Variants in CAMKMT observed in about 807,000 individuals in gnomAD.
The protein encoded by CAMKMT is CaM KMT.
CAMKMT carries 53 observed loss-of-function variants against 48.0 expected under a neutral mutation model. That is an observed-to-expected ratio of 1.10 (90% CI 0.89 to 1.39). CAMKMT has a LOEUF of 1.39. CAMKMT is among the 40% of genes most tolerant of loss of function. The probability of loss-of-function intolerance (pLI) is 0.00; values close to 1 mark genes in which losing one functional copy is unlikely to be tolerated. For synonymous variants in CAMKMT, 165 were observed against 152.3 expected, an observed-to-expected ratio of 1.08 and a Z score of -0.61; for missense variants, 428 against 402.7, an observed-to-expected ratio of 1.06 and a Z score of -0.54.
intron 3 of CAMKMT, among the ~76,000 whole-genome samples, chr2:44,514,130 G>A (rs1265402519): frequency 6.6e-6 from 1 of 151,356 alleles, no homozygotes; most frequent in African/African-American, 2.4e-5. Context: ...AAATCCTTCA[G>A]TGCTTAGAGA....
chr2:44,395,703 T>A (rs1326260724), intron 3 of CAMKMT, among the ~76,000 whole-genome samples: 1 of 152,158 alleles, frequency 6.6e-6, no homozygotes, highest in South Asian at 2.1e-4. Flanking sequence ...TATTAGATAA[T>A]GTGAAAGTAC....
intron 3 of CAMKMT, among the ~76,000 whole-genome samples, chr2:44,590,067 C>T (rs1004189633): frequency 1.4e-4 from 21 of 151,514 alleles, no homozygotes; most frequent in African/African-American, 3.4e-4. Flanking sequence ...TCCACATGGA[C>T]GGTCATGTTG....
At chr2:44,630,595 C>T (rs1336008434) in intron 3 of CAMKMT, among the ~76,000 whole-genome samples, 1 of 151,740 alleles carries the variant, frequency 6.6e-6, no homozygotes, top group African/African-American at 2.4e-5. Context: ...AGGACATGAA[C>T]AGACACTTCT....
At chr2:44,656,270 A>G (rs1362767575) in intron 3 of CAMKMT, among the ~76,000 whole-genome samples, 2 of 152,196 alleles carry the variant, frequency 1.3e-5, no homozygotes, top group Non-Finnish European at 2.9e-5. Flanking sequence ...GAAGAGGTGA[A>G]TGTGTGTTTT....
chr2:44,364,535 G>T (rs1192443189), intron 1 of CAMKMT, among the ~76,000 whole-genome samples: 1 of 152,148 alleles, frequency 6.6e-6, no homozygotes, highest in Admixed American at 6.5e-5. Context: ...TACATCCTCT[G>T]CACCTAGCAC....
chr2:44,364,290 T>A (rs2104329379), intron 1 of CAMKMT, among the ~76,000 whole-genome samples: 1 of 152,290 alleles, frequency 6.6e-6, no homozygotes, highest in Non-Finnish European at 1.5e-5. Flanking sequence ...TTGGTATATA[T>A]CTGCCTGCTT....
At chr2:44,667,937 C>G (rs971758533) in intron 3 of CAMKMT, among the ~76,000 whole-genome samples, 1 of 152,152 alleles carries the variant, frequency 6.6e-6, no homozygotes, top group African/African-American at 2.4e-5. Flanking sequence ...ATTTCATCCT[C>G]GACACTCAGC....
intron 7 of CAMKMT, among the ~76,000 whole-genome samples, chr2:44,738,586 C>T (rs911354355): frequency 6.6e-6 from 1 of 152,190 alleles, no homozygotes; most frequent in Non-Finnish European, 1.5e-5. Context: ...ATTTATTGAA[C>T]AGCTATTAGG....
intron 7 of CAMKMT, among the ~76,000 whole-genome samples, chr2:44,719,092 C>G (rs1396487455): frequency 1.3e-5 from 2 of 152,148 alleles, no homozygotes; most frequent in Non-Finnish European, 2.9e-5. Flanking sequence ...GCCCTTATAT[C>G]CACATCTCAT....
intron 3 of CAMKMT, among the ~76,000 whole-genome samples, chr2:44,611,849 G>C (rs1671617344): frequency 6.6e-6 from 1 of 151,916 alleles, no homozygotes; most frequent in Non-Finnish European, 1.5e-5. Context: ...AGCAAATGAG[G>C]TTGGGGGAGG....
At chr2:44,550,008 G>A (rs1002145662) in intron 3 of CAMKMT, among the ~76,000 whole-genome samples, 1 of 152,166 alleles carries the variant, frequency 6.6e-6, no homozygotes, top group African/African-American at 2.4e-5. Context: ...ATCGGGAAGG[G>A]AAATGTGGAG....
chr2:44,553,537 T>G (rs954845530), intron 3 of CAMKMT, among the ~76,000 whole-genome samples: 8 of 152,184 alleles, frequency 5.3e-5, no homozygotes, highest in African/African-American at 1.9e-4. Context: ...ATTTTTGTGC[T>G]TTTAATAGAG....
At chr2:44,500,530 T>C (rs1023568381) in intron 3 of CAMKMT, among the ~76,000 whole-genome samples, 7 of 152,130 alleles carry the variant, frequency 4.6e-5, no homozygotes, top group African/African-American at 1.4e-4. Context: ...AATAAGATAA[T>C]GTAAAGAGAA....
chr2:44,486,879 C>G lies in CAMKMT; in HGVS notation c.376+96574C>G, dbSNP rs1380355597. Reference sequence around the variant, plus strand: ...TTGTTTATAATTTAGATTCCAGTGCCTAACATTGTGCCCAGTACTGAATAA... The same window carrying G: ...TTGTTTATAATTTAGATTCCAGTGCGTAACATTGTGCCCAGTACTGAATAA... On this transcript the variant is annotated intron_variant, in intron 3 of 10. Transcript: ENST00000378494. Among the ~76,000 whole-genome samples, 3 of 152,156 alleles carry G rather than the reference C, an allele frequency of 2.0e-5. No homozygotes were observed. The East Asian group carries it at 5.8e-4, about 29-fold the overall frequency.
rs1233085484 is a variant in CAMKMT at position 44,460,510 on chromosome 2, C to G, written c.376+70205C>G. Among the ~76,000 whole-genome samples the G allele has an allele frequency of 5.3e-5, 8 of 152,096 alleles. No homozygotes were observed. In the East Asian group the frequency reaches 1.5e-3, roughly 29 times the overall value. On this transcript the variant is annotated intron_variant, in intron 3 of 10. Coordinates refer to ENST00000378494, the MANE Select transcript of CAMKMT (RefSeq NM_024766.5). ...ATTGGCTTTGCAAACTTATCAAAAA[C>G]AGTTCAAATTCTGTTGAATTCATAT...
intron 3 of CAMKMT, among the ~76,000 whole-genome samples, chr2:44,461,496 T>G (rs1667847805): frequency 6.6e-6 from 1 of 152,192 alleles, no homozygotes; most frequent in South Asian, 2.1e-4. Flanking sequence ...TTAATCACTG[T>G]TACTCTATGG....
At chr2:44,541,770 C>CAAA (rs34738217) in intron 3 of CAMKMT, among the ~76,000 whole-genome samples, 9 of 67,228 alleles carry the variant, frequency 1.3e-4, no homozygotes, top group Non-Finnish European at 3.0e-4. Flanking sequence ...AACTCTGTCT[C>CAAA]AAAAAAAAAA....
At chr2:44,484,002 T>C (rs786402) in intron 3 of CAMKMT, among the ~76,000 whole-genome samples, 13,974 of 152,224 alleles carry the variant, frequency 0.092, 1,058 homozygotes, top group Admixed American at 0.26. Context: ...ATCACAGGCA[T>C]GCTCTTAAAG....
chr2:44,616,734 G>T (rs1195463356), intron 3 of CAMKMT, among the ~76,000 whole-genome samples: 1 of 152,016 alleles, frequency 6.6e-6, no homozygotes, highest in Non-Finnish European at 1.5e-5. Context: ...AGATTAGGTT[G>T]GCCTTTCTGA....
Sources: gnomAD v4.1 joint callset for allele counts (sites outside exome capture counted in the v4.1 genomes callset) on GRCh38, gnomAD v4.1.1 for gene constraint, MANE v1.5 for transcripts, NCBI Gene and HGNC (gene_info 2026-07-23, HGNC 2026-07-21) for gene names.